EPHB2: variants seen among roughly 807,000 people sequenced by gnomAD.
EPHB2 encodes ephrin type-B receptor 2.
A neutral mutation model predicts 96.4 loss-of-function variants in EPHB2; 18 were observed. That is an observed-to-expected ratio of 0.19 (90% CI 0.13 to 0.28). EPHB2 has a LOEUF of 0.28. EPHB2 is among the 10% of genes least tolerant of loss of function. EPHB2 has a pLI of 1.00. For synonymous variants in EPHB2, 506 were observed against 534.1 expected (o/e 0.95, Z 0.72); for missense variants, 989 against 1,355.4 (o/e 0.73, Z 4.25).
intron 3 of EPHB2, among the ~76,000 whole-genome samples, chr1:22,798,776 C>T (rs146313378): frequency 6.6e-6 from 1 of 152,174 alleles, no homozygotes; most frequent in Non-Finnish European, 1.5e-5. Context: ...CCAGTAGTCT[C>T]ATTTAACAAC....
intron 5 of EPHB2, among the ~76,000 whole-genome samples, chr1:22,881,660 T>A (rs1043174840): frequency 6.6e-6 from 1 of 152,200 alleles, no homozygotes; most frequent in East Asian, 1.9e-4. Flanking sequence ...AATGGCATGA[T>A]CTCGGCTCAC....
chr1:22,748,919 C>T (rs1644018544), intron 1 of EPHB2, among the ~76,000 whole-genome samples: 1 of 150,676 alleles, frequency 6.6e-6, no homozygotes, highest in Admixed American at 6.6e-5. Flanking sequence ...GAATGTATCG[C>T]ATTTTATGAA....
chr1:22,806,239 T>C (rs1395404328), intron 3 of EPHB2, among the ~76,000 whole-genome samples: 1 of 152,094 alleles, frequency 6.6e-6, no homozygotes, highest in Non-Finnish European at 1.5e-5. Flanking sequence ...CTTTTACAGG[T>C]GGAAAAACTG....
rs762628056 is a variant in EPHB2 at position 22,865,146 on chromosome 1, G to A, written c.1237G>A (p.Gly413Ser). Residue 413 changes from glycine to serine, a missense_variant, in exon 5 of 16, where the codon GGC becomes AGC. Transcript: ENST00000374630. ...CACCTTCGAGATCCAGGCTGTGAAC[G>A]GCGTTACTGACCAGAGCCCCTTCTC... ...QYTFEIQAVN[G>S]VTDQSPFSPQ... 5 of 1,614,212 alleles carry A rather than the reference G, an allele frequency of 3.1e-6. No individual in the cohort carries two copies. The highest frequency in any genetic ancestry group is 1.1e-5 in the South Asian group (1 of 91,086).
At chr1:22,826,418 T>C (rs1424725776) in intron 3 of EPHB2, among the ~76,000 whole-genome samples, 1 of 152,218 alleles carries the variant, frequency 6.6e-6, no homozygotes, top group Non-Finnish European at 1.5e-5. Context: ...CCAGGAATTC[T>C]AGGAGAATTT....
chr1:22,845,178 G>C (rs1056052807), intron 3 of EPHB2, among the ~76,000 whole-genome samples: 12 of 152,296 alleles, frequency 7.9e-5, no homozygotes, highest in African/African-American at 2.4e-4. Context: ...ACCACTCACT[G>C]CATCAGTGAC....
chr1:22,875,635 T>C lies in EPHB2; in HGVS notation c.1304-6724T>C, dbSNP rs1410047591. Among the ~76,000 whole-genome samples the C allele has an allele frequency of 3.3e-5, 5 of 152,212 alleles. No homozygotes were observed. The East Asian group carries it at 9.7e-4, about 29-fold the overall frequency. On this transcript the variant is annotated intron_variant, in intron 5 of 15. Coordinates refer to ENST00000374630, the MANE Select transcript of EPHB2 (RefSeq NM_017449.5). The surrounding 1 kb of genome is among the most constrained non-coding windows in gnomAD (Gnocchi z 4.2). ...TTCCTTCCTCCTTCCTTCCTCACTT[T>C]CTCCCTTCCTTCCTCCTTCCTGTCT... is the stretch of plus-strand genomic sequence containing the variant.
Position 22,784,740 on chromosome 1 carries a change from A to T in EPHB2, c.475A>T (p.Ile159Phe). 1 of 1,612,808 alleles carries T rather than the reference A, an allele frequency of 6.2e-7. No homozygotes were observed. The highest frequency in any genetic ancestry group is 8.5e-7 in the Non-Finnish European group (1 of 1,179,022). The change falls in exon 3 of 16, where the codon ATC becomes TTC. Residue 159 changes from isoleucine (I) to phenylalanine (F), a missense_variant. By Grantham distance (21) the Ile-to-Phe change is conservative (BLOSUM62 0). Transcript: ENST00000374630. This position sits in a 1 kb window ranked among gnomAD's most constrained non-coding sequence, Gnocchi z 5.1. ...GGACCTGGGTGGCCGCGTCATGAAA[A>T]TCAACACCGAGGTGCGGAGCTTCGG... Reference protein sequence around the residue: ...QVDLGGRVMKINTEVRSFGPV... With the variant: ...QVDLGGRVMKFNTEVRSFGPV...
chr1:22,900,553 G>A (rs1639716958), intron 9 of EPHB2, among the ~76,000 whole-genome samples: 1 of 152,160 alleles, frequency 6.6e-6, no homozygotes, highest in Non-Finnish European at 1.5e-5. Flanking sequence ...TGAAGAGCTG[G>A]CATCCTGTGC....
At position 22,757,369 on chromosome 1, in the gene EPHB2, G is replaced by A. The variant is rs113667065; in HGVS notation, c.62-24052G>A. ...TCAGGGAGGGTTTCCCAAAGGTGGCGGCCATTGAAAGGTGAGACAATTAGA... is the reference window on the plus strand; with the variant it reads ...TCAGGGAGGGTTTCCCAAAGGTGGCAGCCATTGAAAGGTGAGACAATTAGA... On this transcript the variant is annotated intron_variant, in intron 1 of 15. Transcript: ENST00000374630. Among the ~76,000 whole-genome samples, 9 of 152,230 alleles carry A rather than the reference G, an allele frequency of 5.9e-5. 1 individual carries two copies. Among genetic ancestry groups the A allele is most frequent in the Non-Finnish European group, 8.8e-5 (6 of 68,030 alleles).
chr1:22,756,453 C>T (rs1031523754), intron 1 of EPHB2, among the ~76,000 whole-genome samples: 7 of 152,260 alleles, frequency 4.6e-5, no homozygotes, highest in African/African-American at 1.7e-4. Flanking sequence ...CTGAGTCCCG[C>T]CTGAGGTGTG....
At chr1:22,853,213 T>C (rs1225810779) in intron 3 of EPHB2, among the ~76,000 whole-genome samples, 1 of 152,060 alleles carries the variant, frequency 6.6e-6, no homozygotes, top group South Asian at 2.1e-4. Context: ...ATTAGCCGGG[T>C]GTGGTGGCGG....
intron 3 of EPHB2, among the ~76,000 whole-genome samples, chr1:22,862,822 A>G (rs1294820016): frequency 6.6e-6 from 1 of 152,166 alleles, no homozygotes; most frequent in African/African-American, 2.4e-5. Context: ...AGCCCTAGAC[A>G]GCTCACGGAC....
At chr1:22,830,835 A>G (rs970106274) in intron 3 of EPHB2, among the ~76,000 whole-genome samples, 1 of 152,188 alleles carries the variant, frequency 6.6e-6, no homozygotes, top group Non-Finnish European at 1.5e-5. Context: ...AATTACAGGC[A>G]TGAGCCACCG....
At chr1:22,866,696 G>A (rs1333247967) in intron 5 of EPHB2, among the ~76,000 whole-genome samples, 3 of 152,156 alleles carry the variant, frequency 2.0e-5, no homozygotes, top group Non-Finnish European at 4.4e-5. Context: ...TACTTTGGGA[G>A]GCCAAGGCGG....
intron 6 of EPHB2, among the ~76,000 whole-genome samples, chr1:22,892,458 G>A (rs561618610): frequency 2.4e-4 from 36 of 152,264 alleles, no homozygotes; most frequent in Middle Eastern, 3.4e-3. Context: ...GGTCAATAGG[G>A]GTGGCCCTGT....
intron 1 of EPHB2, among the ~76,000 whole-genome samples, chr1:22,726,452 G>A (rs549075351): frequency 4.0e-5 from 6 of 148,716 alleles, no homozygotes; most frequent in East Asian, 2.0e-4. Flanking sequence ...ACGGAGTCTC[G>A]TTCTGTCACC....
intron 3 of EPHB2, among the ~76,000 whole-genome samples, chr1:22,841,499 G>A (rs1034705796): frequency 3.3e-5 from 5 of 152,132 alleles, no homozygotes; most frequent in African/African-American, 1.2e-4. Flanking sequence ...ATATATCCCT[G>A]GACAGAGACT....
intron 1 of EPHB2, among the ~76,000 whole-genome samples, chr1:22,776,418 C>T (rs1196250661): frequency 2.6e-5 from 4 of 152,212 alleles, no homozygotes; most frequent in Admixed American, 2.0e-4. Flanking sequence ...GTGATCTTAG[C>T]CACATAGTGT....
Sources: gnomAD v4.1 joint callset for allele counts (sites outside exome capture counted in the v4.1 genomes callset) on GRCh38, gnomAD v4.1.1 for gene constraint, Gnocchi (gnomAD v3.1) non-coding constraint, MANE v1.5 for transcripts, NCBI Gene and HGNC (gene_info 2026-07-23, HGNC 2026-07-21) for gene names.